Variants in PPP2R2C observed in about 807,000 individuals in gnomAD.
PPP2R2C encodes the protein protein phosphatase 2, regulatory subunit B, gamma.
A neutral mutation model predicts 45.3 loss-of-function variants in PPP2R2C; 10 were observed. The observed-to-expected ratio is 0.22, with a 90% CI of 0.14 to 0.37. PPP2R2C has a LOEUF of 0.37. Among genes scored for constraint, PPP2R2C ranks in the 10% least tolerant of loss-of-function variants. The pLI, the probability that PPP2R2C is intolerant of heterozygous loss-of-function variation, is 1.00. For missense variants in PPP2R2C, 308 were observed against 619.7 expected (o/e 0.50, Z 5.34); for synonymous variants, 257 against 245.4 (o/e 1.05, Z -0.44).
At chr4:6,384,102 C>G in intron 1 of PPP2R2C, 1 of 985,420 alleles carries the variant, frequency 1.0e-6, no homozygotes, top group South Asian at 4.7e-5. Context: ...AGGGTCAGGT[C>G]CCAGCTGTCC....
At chr4:6,395,368 G>A (rs146742145) in intron 1 of PPP2R2C, among the ~76,000 whole-genome samples, 271 of 152,294 alleles carry the variant, frequency 1.8e-3, no homozygotes, top group Non-Finnish European at 2.1e-3. Context: ...ATTCAGAAAC[G>A]GACCCCGCGG....
chr4:6,499,350 C>T (rs1177913920), intron 2 of PPP2R2C, among the ~76,000 whole-genome samples: 2 of 152,170 alleles, frequency 1.3e-5, no homozygotes, highest in African/African-American at 4.8e-5. Flanking sequence ...AACCCTGCCC[C>T]CTTCAGCCTC....
intron 8 of PPP2R2C, among the ~76,000 whole-genome samples, chr4:6,326,343 C>T (rs966492856): frequency 6.6e-6 from 1 of 152,092 alleles, no homozygotes; most frequent in African/African-American, 2.4e-5. Flanking sequence ...ACAGCATGGG[C>T]CCCTGGGGGA....
chr4:6,550,482 G>A lies in PPP2R2C; in HGVS notation c.-59+13078C>T, dbSNP rs76989029. On this transcript the variant is annotated intron_variant, in intron 1 of 9. Transcript: ENST00000506140. ...CTCCTACAACGCCAACCCGAAACAC[G>A]TGCTGTTTCCTCTGCCGGGAATGCT... is the stretch of plus-strand genomic sequence containing the variant. 6.3e-3 allele frequency among the ~76,000 whole-genome samples: 959 copies of A among 152,286 alleles called. 4 individuals are homozygous for A. The highest frequency in any genetic ancestry group is 9.7e-3 in the Non-Finnish European group (658 of 68,026).
chr4:6,385,680 G>A lies in PPP2R2C; in HGVS notation c.71-4586C>T, dbSNP rs781602580. On this transcript the variant is annotated intron_variant, in intron 1 of 8. Coordinates refer to ENST00000382599, the MANE Select transcript of PPP2R2C (RefSeq NM_020416.4). Reference sequence around the variant, plus strand: ...TACCTCCTAGGTTCAAGTGATTCTCGTGCCTCAGCCTCCCGAGTAGTTGGG... The same window carrying A: ...TACCTCCTAGGTTCAAGTGATTCTCATGCCTCAGCCTCCCGAGTAGTTGGG... 6.6e-5 allele frequency among the ~76,000 whole-genome samples: 10 copies of A among 151,990 alleles called. No homozygotes were observed. In the East Asian group the frequency reaches 1.7e-3, roughly 26 times the overall value.
chr4:6,508,729 T>C (rs1560591538), intron 2 of PPP2R2C, among the ~76,000 whole-genome samples: 1 of 152,216 alleles, frequency 6.6e-6, no homozygotes, highest in East Asian at 1.9e-4. Flanking sequence ...AGTATGACCT[T>C]CTAGGAAAAC....
At chr4:6,438,680 C>A (rs1267592879) in intron 1 of PPP2R2C, among the ~76,000 whole-genome samples, 7 of 152,172 alleles carry the variant, frequency 4.6e-5, no homozygotes, top group Non-Finnish European at 1.0e-4. Context: ...CTGTCCCAAC[C>A]CCATTCTGTC....
intron 1 of PPP2R2C, among the ~76,000 whole-genome samples, chr4:6,393,266 A>T (rs1368251725): frequency 6.6e-6 from 1 of 152,052 alleles, no homozygotes; most frequent in Non-Finnish European, 1.5e-5. Flanking sequence ...AGCCCCCGGA[A>T]ATCACTGATC....
rs555328035 is a variant in PPP2R2C at position 6,427,853 on chromosome 4, G to T, written c.70+44307C>A. ...AGAGGTAGATGGCTGCGGGTATCAG[G>T]TCTGCACAGCCACCGGGCACAGGCA... On this transcript the variant is annotated intron_variant, in intron 1 of 8. Coordinates refer to ENST00000382599, the MANE Select transcript of PPP2R2C (RefSeq NM_020416.4). Among the ~76,000 whole-genome samples, 630 of 151,802 alleles carry T rather than the reference G, an allele frequency of 4.2e-3. 3 individuals are homozygous for T. Among genetic ancestry groups the T allele is most frequent in the African/African-American group, 0.014 (586 of 41,358 alleles).
chr4:6,498,040 G>A (rs1722928491), intron 2 of PPP2R2C, among the ~76,000 whole-genome samples: 1 of 152,208 alleles, frequency 6.6e-6, no homozygotes, highest in Admixed American at 6.5e-5. Flanking sequence ...AAGCTGACGT[G>A]CACACCCAAA....
intron 1 of PPP2R2C, among the ~76,000 whole-genome samples, chr4:6,409,821 C>G (rs1209655205): frequency 6.6e-6 from 1 of 152,224 alleles, no homozygotes; most frequent in African/African-American, 2.4e-5. Context: ...GCTCCCCAAA[C>G]ATGCGGTGCC....
At chr4:6,535,112 C>T (rs13142248) in intron 2 of PPP2R2C, among the ~76,000 whole-genome samples, 38,201 of 152,020 alleles carry the variant, frequency 0.25, 4,916 homozygotes, top group Non-Finnish European at 0.28. Context: ...GAGCCAGGGT[C>T]GGGGGCCCAG....
In PPP2R2C at chr4:6,414,031, T is replaced by C. The variant is rs543138345; in HGVS notation, c.71-32937A>G. 1.2e-5 allele frequency: 19 copies of C among 1,523,702 alleles called. No individual in the cohort carries two copies. In the East Asian group the frequency reaches 4.7e-4, roughly 38 times the overall value. The allele number at this position is 1,523,702 out of a possible 1,614,324, so 94.4% of individuals were successfully genotyped here. On this transcript the variant is annotated intron_variant, in intron 1 of 8. Coordinates refer to ENST00000382599, the MANE Select transcript of PPP2R2C (RefSeq NM_020416.4). ...CAAAACCAGATCTATGTGGCCCAAA[T>C]CTAGAGAATTATGCATGGGACAGTA...
intron 1 of PPP2R2C, among the ~76,000 whole-genome samples, chr4:6,434,324 T>TG (rs769955411): frequency 6.6e-6 from 1 of 151,774 alleles, no homozygotes; most frequent in Non-Finnish European, 1.5e-5. Context: ...TGTGGATAAA[T>TG]GTCATTTCTC....
At chr4:6,517,483 G>A (rs965847071) in intron 2 of PPP2R2C, among the ~76,000 whole-genome samples, 1 of 151,940 alleles carries the variant, frequency 6.6e-6, no homozygotes, top group Non-Finnish European at 1.5e-5. Context: ...AGTGGAAATT[G>A]GCATGTGCAA....
rs1324065551 is a variant in PPP2R2C, at chr4:6,351,327, A to AAATT, written c.626-3321_626-3318dup. ...GACTCCATCTCAAAAATAAATAAAT[A>AAATT]AATTAATTAATTAATTAATAAAAGT... On this transcript the variant is annotated intron_variant, in intron 5 of 8. Transcript: ENST00000382599. 495 of 914,552 alleles carry AAATT rather than the reference A, an allele frequency of 5.4e-4. 2 individuals are homozygous for AAATT. The highest frequency in any genetic ancestry group is 6.0e-4 in the Non-Finnish European group (459 of 766,298). The allele number at this position is 914,552 out of a possible 1,614,324, so 56.7% of individuals were successfully genotyped here. A position where few individuals can be genotyped will look rare whatever the true frequency, so the allele number is the denominator to read the frequency against.
At chr4:6,534,839 C>T (rs1042710957) in intron 2 of PPP2R2C, among the ~76,000 whole-genome samples, 17 of 152,218 alleles carry the variant, frequency 1.1e-4, no homozygotes, top group Admixed American at 7.2e-4. Flanking sequence ...CTGGGTCGGC[C>T]GCTCAGTGTG....
At chr4:6,383,144 C>A in intron 1 of PPP2R2C, 1 of 1,159,124 alleles carries the variant, frequency 8.6e-7, no homozygotes, top group Non-Finnish European at 1.1e-6. Context: ...CTGGGGGTTG[C>A]CATCAACGCC....
intron 1 of PPP2R2C, among the ~76,000 whole-genome samples, chr4:6,553,034 G>A (rs930879095): frequency 2.0e-5 from 3 of 152,202 alleles, no homozygotes; most frequent in Non-Finnish European, 2.9e-5. Flanking sequence ...AGTGACCAAG[G>A]AAGCATTTGG....
Sources: allele counts gnomAD v4.1 joint callset (sites outside exome capture counted in the v4.1 genomes callset), GRCh38; gene constraint gnomAD v4.1.1; transcripts MANE v1.5; gene names NCBI Gene and HGNC (gene_info 2026-07-23, HGNC 2026-07-21).